PHLPP1: variants seen among roughly 807,000 people sequenced by gnomAD.
PHLPP1 encodes the protein PH domain and leucine rich repeat protein phosphatase 1.
Under a neutral mutation model 117.2 loss-of-function variants are expected in PHLPP1, and 42 were observed. The ratio of observed to expected loss-of-function variants is 0.36; its 90% CI spans 0.28 to 0.46. The LOEUF (loss-of-function observed/expected upper bound fraction) is 0.46. PHLPP1 is among the 20% of genes least tolerant of loss of function. The pLI is 1.00. For missense variants in PHLPP1, 2,084 were observed against 2,241.9 expected (o/e 0.93, Z 1.42); for synonymous variants, 1,042 against 970.7 (o/e 1.07, Z -1.37).
At chr18:62,914,104 A>G (rs576243196) in intron 8 of PHLPP1, among the ~76,000 whole-genome samples, 1 of 152,270 alleles carries the variant, frequency 6.6e-6, no homozygotes, top group Non-Finnish European at 1.5e-5. Context: ...ATGTTTTTAA[A>G]TAATTAATTC....
At chr18:62,968,118 C>T (rs749345453) in intron 14 of PHLPP1, among the ~76,000 whole-genome samples, 3 of 152,210 alleles carry the variant, frequency 2.0e-5, no homozygotes, top group Non-Finnish European at 4.4e-5. Context: ...CTACCACACC[C>T]AGCCTAAAGT....
intron 1 of PHLPP1, among the ~76,000 whole-genome samples, chr18:62,812,180 A>G (rs574252512): frequency 2.0e-4 from 31 of 152,330 alleles, no homozygotes; most frequent in Middle Eastern, 6.8e-3. Context: ...AAATGGAAAT[A>G]TAGTTCGTTT....
chr18:62,730,807 A>C (rs1911205330), intron 1 of PHLPP1, among the ~76,000 whole-genome samples: 1 of 152,250 alleles, frequency 6.6e-6, no homozygotes, highest in African/African-American at 2.4e-5. Context: ...AAAAAAAAAA[A>C]ACTGTTTTGA....
chr18:62,829,280 G>GA (rs1441099384), intron 1 of PHLPP1, among the ~76,000 whole-genome samples: 9 of 152,210 alleles, frequency 5.9e-5, no homozygotes, highest in African/African-American at 2.2e-4. Flanking sequence ...TCTGTAGGAG[G>GA]AAAAACTCTG....
chr18:62,977,446 AAAAAAAAC>A (rs1248455672), intron 16 of PHLPP1, among the ~76,000 whole-genome samples: 7 of 150,160 alleles, frequency 4.7e-5, no homozygotes, highest in African/African-American at 1.5e-4. Flanking sequence ...AAAAAAAAAA[AAAAAAAAC>A]CCAGGTCTTT....
At chr18:62,743,844 T>A (rs1343833297) in intron 1 of PHLPP1, among the ~76,000 whole-genome samples, 1 of 152,212 alleles carries the variant, frequency 6.6e-6, no homozygotes, top group Non-Finnish European at 1.5e-5. Flanking sequence ...CTGTAGAGTT[T>A]CTCACAGGGT....
chr18:62,836,548 A>G (rs1411599062), intron 2 of PHLPP1, among the ~76,000 whole-genome samples: 1 of 151,898 alleles, frequency 6.6e-6, no homozygotes, highest in Non-Finnish European at 1.5e-5. Context: ...GACCATGGTT[A>G]CCTGTAAGTT....
chr18:62,846,858 A>T (rs189040989), intron 3 of PHLPP1, among the ~76,000 whole-genome samples: 286 of 152,296 alleles, frequency 1.9e-3, no homozygotes, highest in Middle Eastern at 3.4e-3. Flanking sequence ...CTCTTTACAG[A>T]TATAATTATG....
chr18:62,736,816 A>G (rs1445792803), intron 1 of PHLPP1, among the ~76,000 whole-genome samples: 1 of 152,182 alleles, frequency 6.6e-6, no homozygotes, highest in Non-Finnish European at 1.5e-5. Context: ...ACTGGTTACC[A>G]TATGTGTGGT....
At chr18:62,764,251 T>C (rs1234060934) in intron 1 of PHLPP1, among the ~76,000 whole-genome samples, 2 of 152,036 alleles carry the variant, frequency 1.3e-5, no homozygotes, top group African/African-American at 2.4e-5. Context: ...GCTGCTGTTC[T>C]GTTTTCTTAT....
intron 6 of PHLPP1, among the ~76,000 whole-genome samples, chr18:62,896,309 T>TC (rs397801850): frequency 5.3e-5 from 8 of 150,960 alleles, no homozygotes; most frequent in Admixed American, 5.3e-4. Flanking sequence ...TTTTTTTTTT[T>TC]GAGTCAAAGT....
intron 4 of PHLPP1, 108 bp from the exon 5 acceptor site, chr18:62,894,903 T>G: frequency 1.1e-6 from 1 of 911,590 alleles, no homozygotes; most frequent in Non-Finnish European, 1.7e-6. Flanking sequence ...CATTTCCTCT[T>G]TAGTTGAATT....
chr18:62,936,697 T>C (rs1417175137), intron 10 of PHLPP1, among the ~76,000 whole-genome samples: 2 of 152,204 alleles, frequency 1.3e-5, no homozygotes, highest in East Asian at 3.9e-4. Flanking sequence ...ACTCTAATGA[T>C]GATGAAACAT....
chr18:62,762,647 C>CA (rs1435269355), intron 1 of PHLPP1, among the ~76,000 whole-genome samples: 1 of 152,080 alleles, frequency 6.6e-6, no homozygotes, highest in Non-Finnish European at 1.5e-5. Context: ...CTCCTGACCT[C>CA]AAATGATCCA....
At chr18:62,719,798 A>C (rs1599011498) in intron 1 of PHLPP1, among the ~76,000 whole-genome samples, 2 of 152,244 alleles carry the variant, frequency 1.3e-5, no homozygotes, top group African/African-American at 2.4e-5. Context: ...AATTGAGCTT[A>C]TCTACTGTCT....
intron 2 of PHLPP1, among the ~76,000 whole-genome samples, chr18:62,831,200 G>A (rs1231586510): frequency 6.6e-6 from 1 of 152,086 alleles, no homozygotes; most frequent in Non-Finnish European, 1.5e-5. Context: ...AAAGTCCCAA[G>A]CATTGGTAAG....
In PHLPP1 at chr18:62,913,301, TA is replaced by T. The variant is rs562070279; in HGVS notation, c.2709-1601del. Among the ~76,000 whole-genome samples, 486 of 147,644 alleles carry T rather than the reference TA, an allele frequency of 3.3e-3. 1 individual carries two copies. The highest frequency in any genetic ancestry group is 5.8e-3 in the African/African-American group (235 of 40,476). On this transcript the variant is annotated intron_variant, in intron 8 of 16. Transcript: ENST00000262719. ...TTGAGATGTTTTAGATATTAACAAT[TA>T]AAAAAAAAAATGAGCATGTCAATGT...
chr18:62,843,382 G>A (rs1344958214), intron 3 of PHLPP1, among the ~76,000 whole-genome samples: 1 of 152,068 alleles, frequency 6.6e-6, no homozygotes, highest in Non-Finnish European at 1.5e-5. Flanking sequence ...TTTATTTTCA[G>A]TTTATTTTTC....
At chr18:62,974,281 T>C (rs1008052530) in intron 15 of PHLPP1, among the ~76,000 whole-genome samples, 18 of 152,326 alleles carry the variant, frequency 1.2e-4, no homozygotes, top group African/African-American at 3.6e-4. Context: ...CAGGGTCTTT[T>C]GTATGTCTCT....
Sources: gnomAD v4.1 joint callset for allele counts (sites outside exome capture counted in the v4.1 genomes callset) on GRCh38, gnomAD v4.1.1 for gene constraint, MANE v1.5 for transcripts, NCBI Gene and HGNC (gene_info 2026-07-23, HGNC 2026-07-21) for gene names.